Variants in SORCS2 observed in about 807,000 individuals in gnomAD.
The protein encoded by SORCS2 is sortilin related VPS10 domain containing receptor 2.
Under a neutral mutation model 141.6 loss-of-function variants are expected in SORCS2, and 100 were observed. The observed-to-expected ratio is 0.71, with a 90% CI of 0.60 to 0.83. The LOEUF (loss-of-function observed/expected upper bound fraction) is 0.83. Among genes scored for constraint, SORCS2 ranks in the 40% least tolerant of loss-of-function variants. The probability of loss-of-function intolerance (pLI) is 0.00; values close to 1 mark genes in which losing one functional copy is unlikely to be tolerated. For missense variants in SORCS2, 1,646 were observed against 1,560.2 expected (o/e 1.05, Z -0.93); for synonymous variants, 789 against 676.9 (o/e 1.17, Z -2.57).
chr4:7,689,775 G>A (rs944515565), intron 11 of SORCS2, among the ~76,000 whole-genome samples, 187 bp downstream of exon 11: 1 of 152,272 alleles, frequency 6.6e-6, no homozygotes. Context: ...CATGGCCCAG[G>A]GTGGGCATAT....
chr4:7,218,796 G>A (rs906411263), intron 1 of SORCS2, among the ~76,000 whole-genome samples: 2 of 152,190 alleles, frequency 1.3e-5, no homozygotes, highest in African/African-American at 4.8e-5. Context: ...TATGATGCCC[G>A]TACTATGCCA....
chr4:7,408,616 C>T (rs1725123871), intron 2 of SORCS2, among the ~76,000 whole-genome samples: 1 of 152,094 alleles, frequency 6.6e-6, no homozygotes, highest in Non-Finnish European at 1.5e-5. Context: ...TGTTCTCTGA[C>T]CTTCCTGTAC....
intron 1 of SORCS2, among the ~76,000 whole-genome samples, chr4:7,228,793 C>T (rs1711588895): frequency 6.6e-6 from 1 of 152,234 alleles, no homozygotes; most frequent in Admixed American, 6.5e-5. Flanking sequence ...GCTGGGCCCA[C>T]CCTCTGGGAC....
chr4:7,461,196 A>C (rs1729285433), intron 2 of SORCS2, among the ~76,000 whole-genome samples: 1 of 152,094 alleles, frequency 6.6e-6, no homozygotes, highest in Non-Finnish European at 1.5e-5. Context: ...CCTGGTCCTT[A>C]ATAAAATAAT....
At chr4:7,704,407 C>A in intron 14 of SORCS2, 123 bp downstream of exon 14, 1 of 857,482 alleles carries the variant, frequency 1.2e-6, no homozygotes, top group Admixed American at 2.4e-5. Flanking sequence ...CCACCTGCCC[C>A]AGGTCCCCTT....
intron 1 of SORCS2, among the ~76,000 whole-genome samples, chr4:7,261,044 C>T (rs1714285941): frequency 6.6e-6 from 1 of 152,172 alleles, no homozygotes; most frequent in Admixed American, 6.5e-5. Context: ...TGGGAAAAGC[C>T]ATCTCAGAGA....
intron 2 of SORCS2, among the ~76,000 whole-genome samples, chr4:7,523,621 C>T (rs1440401610): frequency 6.6e-6 from 1 of 152,136 alleles, no homozygotes. Flanking sequence ...CTCAGTCCAC[C>T]ATGAGCCGGG....
chr4:7,437,861 T>C (rs1339413977), intron 2 of SORCS2, among the ~76,000 whole-genome samples: 1 of 152,142 alleles, frequency 6.6e-6, no homozygotes, highest in Non-Finnish European at 1.5e-5. Flanking sequence ...TCCTTTCCTC[T>C]CACCTGTCTG....
chr4:7,264,443 T>C (rs1714579418), intron 1 of SORCS2, among the ~76,000 whole-genome samples: 1 of 151,946 alleles, frequency 6.6e-6, no homozygotes, highest in African/African-American at 2.4e-5. Context: ...GCCTTAGGTG[T>C]CCCCCAAAGC....
intron 15 of SORCS2, among the ~76,000 whole-genome samples, 177 bp from the exon 16 acceptor site, chr4:7,714,063 A>T (rs1423803933): frequency 1.3e-5 from 2 of 152,186 alleles, no homozygotes; most frequent in East Asian, 3.9e-4. Context: ...TTGGGATGAG[A>T]GGGAGGCTTC....
intron 3 of SORCS2, among the ~76,000 whole-genome samples, chr4:7,619,054 T>C (rs1718962913): frequency 6.6e-6 from 1 of 152,188 alleles, no homozygotes; most frequent in Admixed American, 6.5e-5. Flanking sequence ...CAATCTGTGA[T>C]GTGCACCCAG....
At position 7,275,084 on chromosome 4, in the gene SORCS2, C is replaced by T. The variant is rs538773848; in HGVS notation, c.480+81958C>T. The stretch of plus-strand genomic sequence containing the variant: ...TAATGATTTTTGATGAGAATCTCTC[C>T]AAAATGCATCATATAATTTTCTGGG... On this transcript the variant is annotated intron_variant, in intron 1 of 26. Coordinates refer to ENST00000507866, the MANE Select transcript of SORCS2 (RefSeq NM_020777.3). Among the ~76,000 whole-genome samples, 3 of 152,276 alleles carry T rather than the reference C, an allele frequency of 2.0e-5. No homozygotes were observed. In the East Asian group the frequency reaches 5.8e-4, roughly 29 times the overall value.
At chr4:7,577,317 G>A (rs564551709) in intron 3 of SORCS2, among the ~76,000 whole-genome samples, 3 of 152,316 alleles carry the variant, frequency 2.0e-5, no homozygotes, top group Admixed American at 6.5e-5. Flanking sequence ...GACAGGTAAA[G>A]CCAGGTGGGC....
chr4:7,683,249 G>C (rs78814306), intron 10 of SORCS2, among the ~76,000 whole-genome samples: 1 of 78,842 alleles, frequency 1.3e-5, no homozygotes, highest in Non-Finnish European at 2.5e-5. Context: ...TCAGCTGAGC[G>C]GCTCTGCTGA....
chr4:7,661,368 C>T (rs1478247583), intron 5 of SORCS2, 132 bp from the exon 6 acceptor site: 2 of 851,894 alleles, frequency 2.3e-6, no homozygotes, highest in East Asian at 2.7e-5. Flanking sequence ...GGTGGTGATG[C>T]CCTCCGGACC....
chr4:7,395,077 T>C (rs898186107), intron 1 of SORCS2, among the ~76,000 whole-genome samples: 1 of 152,248 alleles, frequency 6.6e-6, no homozygotes, highest in African/African-American at 2.4e-5. Context: ...TTCCTGAGCA[T>C]GGCATAGCCA....
chr4:7,277,128 G>A (rs1048916828), intron 1 of SORCS2, among the ~76,000 whole-genome samples: 1 of 143,774 alleles, frequency 7.0e-6, no homozygotes, highest in Non-Finnish European at 1.5e-5. Flanking sequence ...TCCTTTGGCT[G>A]TGTATGGAGG....
chr4:7,391,453 A>G (rs1285191884), intron 1 of SORCS2, among the ~76,000 whole-genome samples: 3 of 152,302 alleles, frequency 2.0e-5, no homozygotes, highest in Admixed American at 6.5e-5. Context: ...GGACCCTCCT[A>G]TGAGCCCAGC....
At chr4:7,693,812 G>A (rs1724413918) in intron 11 of SORCS2, among the ~76,000 whole-genome samples, 2 of 152,260 alleles carry the variant, frequency 1.3e-5, no homozygotes, top group Non-Finnish European at 2.9e-5. Context: ...GACTCGGCCA[G>A]TCAAGGGCCC....
Sources: gnomAD v4.1 joint callset for allele counts (sites outside exome capture counted in the v4.1 genomes callset) on GRCh38, gnomAD v4.1.1 for gene constraint, MANE v1.5 for transcripts, NCBI Gene and HGNC (gene_info 2026-07-23, HGNC 2026-07-21) for gene names.